The following NEGR1 variants were observed in gnomAD, a reference collection of about 807,000 sequenced individuals.
NEGR1 encodes the protein IgLON family member 4.
In NEGR1, 10 loss-of-function variants were observed where a neutral mutation model predicts 40.9. The observed-to-expected ratio is 0.24, with a 90% confidence interval of 0.15 to 0.42. NEGR1 has a LOEUF of 0.42. NEGR1 is among the 10% of genes least tolerant of loss of function. The pLI is 1.00. For missense variants in NEGR1, 352 were observed against 438.9 expected, an observed-to-expected ratio of 0.80 and a Z score of 1.77; for synonymous variants, 185 against 166.8, an observed-to-expected ratio of 1.11 and a Z score of -0.84.
intron 6 of NEGR1, among the ~76,000 whole-genome samples, chr1:71,420,346 G>A (rs1297131852): frequency 1.3e-5 from 2 of 151,986 alleles, no homozygotes; most frequent in African/African-American, 4.8e-5. Flanking sequence ...TTATAATTTA[G>A]AAGTAACTGA....
Position 71,603,589 on chromosome 1 carries a change from G to C in NEGR1, c.788+7437C>G, listed in dbSNP as rs538871229. Among the ~76,000 whole-genome samples, 6 of 152,266 alleles carry C rather than the reference G, an allele frequency of 3.9e-5. No homozygotes were observed. The South Asian group carries it at 1.2e-3, about 32-fold the overall frequency. On this transcript the variant is annotated intron_variant, in intron 5 of 6. Transcript: ENST00000357731. ...TAAGATAGCAAAGTCAGCATATAAG[G>C]TAAAGTTGCATGTTGTTAAAATTAA...
At chr1:72,133,524 C>T (rs1031225825) in intron 1 of NEGR1, among the ~76,000 whole-genome samples, 1 of 151,852 alleles carries the variant, frequency 6.6e-6, no homozygotes, top group Admixed American at 6.6e-5. Context: ...ATCAAAATTG[C>T]TCAAATGTAC....
chr1:71,483,465 A>T (rs1382197425), intron 6 of NEGR1, among the ~76,000 whole-genome samples: 1 of 151,792 alleles, frequency 6.6e-6, no homozygotes, highest in East Asian at 1.9e-4. Context: ...TGATGGTGTG[A>T]GTATTACAGG....
intron 1 of NEGR1, among the ~76,000 whole-genome samples, chr1:72,161,996 A>G (rs969879697): frequency 7.9e-5 from 12 of 151,940 alleles, no homozygotes; most frequent in Non-Finnish European, 1.8e-4. Flanking sequence ...CTGGCCATGC[A>G]TTATTCTAAA....
chr1:71,744,104 T>G (rs1655303529), intron 3 of NEGR1, among the ~76,000 whole-genome samples: 1 of 152,094 alleles, frequency 6.6e-6, no homozygotes, highest in East Asian at 1.9e-4. Context: ...TCAATTAAGC[T>G]TAAGCAGATG....
At chr1:71,620,610 C>T (rs1019825509) in intron 4 of NEGR1, among the ~76,000 whole-genome samples, 23 of 151,860 alleles carry the variant, frequency 1.5e-4, no homozygotes, top group East Asian at 9.7e-4. Context: ...AATATGTCTT[C>T]GCCTAATGAA....
intron 1 of NEGR1, among the ~76,000 whole-genome samples, chr1:72,133,697 T>C (rs1462127602): frequency 1.3e-5 from 2 of 151,708 alleles, no homozygotes; most frequent in Non-Finnish European, 2.9e-5. Context: ...GAAAATATTT[T>C]AGCAGAGATT....
intron 3 of NEGR1, among the ~76,000 whole-genome samples, chr1:71,717,887 C>A (rs1482133090): frequency 3.3e-5 from 5 of 152,186 alleles, no homozygotes; most frequent in Admixed American, 3.3e-4. Context: ...ACACTGGAAG[C>A]AAACAGCTAT....
intron 6 of NEGR1, among the ~76,000 whole-genome samples, chr1:71,530,000 T>G (rs1647303378): frequency 6.6e-6 from 1 of 151,216 alleles, no homozygotes; most frequent in African/African-American, 2.4e-5. Flanking sequence ...TCTTCAGAAC[T>G]TATGATCATA....
intron 6 of NEGR1, among the ~76,000 whole-genome samples, chr1:71,535,445 C>T (rs1422209717): frequency 6.6e-6 from 1 of 151,680 alleles, no homozygotes; most frequent in African/African-American, 2.4e-5. Flanking sequence ...CACATTGTCT[C>T]ATAGAAAGGC....
chr1:71,485,274 T>C (rs969677861), intron 6 of NEGR1, among the ~76,000 whole-genome samples: 1 of 151,480 alleles, frequency 6.6e-6, no homozygotes, highest in Non-Finnish European at 1.5e-5. Context: ...TTTTCAAAAA[T>C]AGACTTTACT....
chr1:71,574,701 T>A (rs1292099225), intron 6 of NEGR1, among the ~76,000 whole-genome samples: 1 of 152,174 alleles, frequency 6.6e-6, no homozygotes, highest in Non-Finnish European at 1.5e-5. Context: ...ATCAATAAAT[T>A]TATGTTCTAT....
chr1:72,060,811 A>T (rs564061229), intron 1 of NEGR1, among the ~76,000 whole-genome samples: 11 of 151,804 alleles, frequency 7.2e-5, no homozygotes, highest in Admixed American at 7.2e-4. Flanking sequence ...ACTTCTGGTC[A>T]TTAAGCAGGG....
chr1:72,172,654 G>C (rs1320794950), intron 1 of NEGR1, among the ~76,000 whole-genome samples: 1 of 152,128 alleles, frequency 6.6e-6, no homozygotes, highest in Non-Finnish European at 1.5e-5. Context: ...AAATTCAGTG[G>C]CTTAAAACAA....
intron 1 of NEGR1, among the ~76,000 whole-genome samples, chr1:72,107,078 C>A (rs1325489926): frequency 1.3e-5 from 2 of 151,668 alleles, no homozygotes; most frequent in African/African-American, 2.4e-5. Flanking sequence ...AATGAAATAT[C>A]TTTAGGGTGA....
rs137914001 is a variant in NEGR1 at position 71,720,925 on chromosome 1, C to T, written c.536-22786G>A. On this transcript the variant is annotated intron_variant, in intron 3 of 6. Transcript: ENST00000357731. ...ATTACCTTTACTTGGAACAATGAGG[C>T]CAATAATCATTTCCCTAGAGAAAAC... Among the ~76,000 whole-genome samples the T allele has an allele frequency of 1.8e-4, 27 of 152,168 alleles. No individual in the cohort carries two copies. In the East Asian group the frequency reaches 3.5e-3, roughly 20 times the overall value.
chr1:71,786,554 A>G (rs1340626867), intron 2 of NEGR1, among the ~76,000 whole-genome samples: 1 of 152,188 alleles, frequency 6.6e-6, no homozygotes, highest in African/African-American at 2.4e-5. Context: ...TTGAACATTT[A>G]CTGTGAGTAA....
At chr1:72,032,793 A>C (rs1318213137) in intron 1 of NEGR1, among the ~76,000 whole-genome samples, 1 of 152,152 alleles carries the variant, frequency 6.6e-6, no homozygotes, top group Admixed American at 6.6e-5. Context: ...AATCTTGGTG[A>C]GGTCACTTCC....
At chr1:71,415,715 G>T (rs773649393) in intron 6 of NEGR1, among the ~76,000 whole-genome samples, 15 of 152,020 alleles carry the variant, frequency 9.9e-5, no homozygotes, top group Non-Finnish European at 1.3e-4. Context: ...AAATGTTTTG[G>T]ATTTTTTTGT....
Sources: allele counts gnomAD v4.1 joint callset (sites outside exome capture counted in the v4.1 genomes callset), GRCh38; gene constraint gnomAD v4.1.1; transcripts MANE v1.5; gene names NCBI Gene and HGNC (gene_info 2026-07-23, HGNC 2026-07-21).